Variants in MTMR10 observed in about 807,000 individuals in gnomAD.
MTMR10 encodes myotubularin-related protein 10.
A neutral mutation model predicts 88.1 loss-of-function variants in MTMR10; 56 were observed. The observed-to-expected ratio is 0.64, with a 90% CI of 0.51 to 0.79. The LOEUF (loss-of-function observed/expected upper bound fraction) is 0.79. Ranked by LOEUF, MTMR10 falls within the 30% of genes least tolerant of loss-of-function variation. The pLI, the probability that MTMR10 is intolerant of heterozygous loss-of-function variation, is 0.00. For synonymous variants in MTMR10, 380 were observed against 340.9 expected (o/e 1.11, Z -1.26); for missense variants, 883 against 924.7 (o/e 0.95, Z 0.58).
At chr15:30,982,887 C>G (rs369331988) in intron 2 of MTMR10, among the ~76,000 whole-genome samples, 1 of 152,158 alleles carries the variant, frequency 6.6e-6, no homozygotes. Flanking sequence ...CACTGTGGGC[C>G]AGAAAACTAG....
At chr15:30,964,148 T>C (rs2063444924) in intron 6 of MTMR10, among the ~76,000 whole-genome samples, 1 of 152,220 alleles carries the variant, frequency 6.6e-6, no homozygotes, top group East Asian at 1.9e-4. Context: ...CTGCTAATAT[T>C]ACTGCTATTC....
In MTMR10 at chr15:30,940,173, A is replaced by C; in HGVS notation, c.*1297T>G. 1.0e-6 allele frequency: 1 copy of C among 985,390 alleles called. No individual in the cohort carries two copies. The highest frequency in any genetic ancestry group is 1.2e-6 in the Non-Finnish European group (1 of 829,924). The allele number at this position is 985,390 out of a possible 1,614,324, so 61.0% of individuals were successfully genotyped here. On this transcript the variant is annotated 3_prime_UTR_variant, in exon 16 of 16. Transcript: ENST00000435680. Reference sequence around the variant, plus strand: ...GAAAGTATCCATGTTTTAAGCGGGGAATGAGGAGTGTGGGGGAGGTGGTGC... The same window carrying C: ...GAAAGTATCCATGTTTTAAGCGGGGCATGAGGAGTGTGGGGGAGGTGGTGC...
Position 30,939,858 on chromosome 15 carries a change from C to G in MTMR10, c.*1612G>C, listed in dbSNP as rs139084393. ...TGTTTAATAATTCTATTTGTATAAA[C>G]TGAAACTAGCCCTTATTTTCTAGGC... On this transcript the variant is annotated 3_prime_UTR_variant, in exon 16 of 16. Transcript: ENST00000435680. The G allele has an allele frequency of 3.2e-4, 312 of 985,318 alleles. 1 individual carries two copies. The African/African-American group carries it at 5.2e-3, about 16-fold the overall frequency. The allele number at this position is 985,318 out of a possible 1,614,324, so 61.0% of individuals were successfully genotyped here.
intron 2 of MTMR10, among the ~76,000 whole-genome samples, chr15:30,982,035 C>A (rs2030613032): frequency 6.7e-6 from 1 of 150,102 alleles, no homozygotes; most frequent in Non-Finnish European, 1.5e-5. Context: ...CACGCCACTG[C>A]ACTCCAGCCT....
At chr15:30,943,461 G>A in intron 14 of MTMR10, 1 of 985,378 alleles carries the variant, frequency 1.0e-6, no homozygotes, top group Non-Finnish European at 1.2e-6. Flanking sequence ...GTAGTTACCT[G>A]TTGGTAAGTG....
chr15:30,929,779 T>TCATATATAATATATAAAATATATAA, the MTMR10 span, among the ~76,000 whole-genome samples: 1 of 22,734 alleles, frequency 4.4e-5, no homozygotes, highest in African/African-American at 3.0e-4. Context: ...ATATAATATA[T>TCATATATAATATATAAAATATATAA]TATATCATAT....
intron 9 of MTMR10, among the ~76,000 whole-genome samples, chr15:30,958,380 G>A (rs1320657917): frequency 6.6e-6 from 1 of 152,230 alleles, no homozygotes; most frequent in East Asian, 1.9e-4. Context: ...ATTGCTCACT[G>A]CTATGAGCAC....
chr15:30,930,237 G>A, the MTMR10 span, among the ~76,000 whole-genome samples: 2 of 151,646 alleles, frequency 1.3e-5, no homozygotes, highest in Non-Finnish European at 2.9e-5. Context: ...CCTCTATGAG[G>A]CCATGCTGTC....
intron 2 of MTMR10, among the ~76,000 whole-genome samples, chr15:30,982,835 T>C (rs2030669242): frequency 6.6e-6 from 1 of 152,148 alleles, no homozygotes; most frequent in Non-Finnish European, 1.5e-5. Flanking sequence ...AAAAAAGGAA[T>C]GCTGAAGAGG....
intron 13 of MTMR10, 125 bp downstream of exon 13, chr15:30,948,177 T>C (rs1566948134): frequency 1.2e-5 from 10 of 845,286 alleles, no homozygotes; most frequent in South Asian, 7.7e-5. Context: ...TTAGTTAGCT[T>C]TGGACTAAGG....
intron 2 of MTMR10, among the ~76,000 whole-genome samples, chr15:30,983,954 G>A (rs969410072): frequency 1.1e-4 from 16 of 152,172 alleles, no homozygotes; most frequent in South Asian, 6.2e-4. Context: ...GTATAGTGCC[G>A]ATCTCAGGAA....
At chr15:30,937,228 T>C (rs973111864), downstream of MTMR10, 54 of 1,613,982 alleles carry the variant, frequency 3.3e-5, no homozygotes, top group Non-Finnish European at 4.3e-5. Flanking sequence ...GTGGTTGCAG[T>C]TGGAGCTAAG....
chr15:30,947,263 T>G lies in MTMR10; in HGVS notation c.1415A>C (p.Gln472Pro). Residue 472 changes from glutamine to proline, a missense_variant, in exon 14 of 16, where the codon CAG (glutamine) becomes CCG (proline). Gln to Pro is a moderately conservative substitution (Grantham distance 76, BLOSUM62 -1). This residue lies in a region of MTMR10 where 126 missense variants were observed against 178.2 expected (regional missense o/e 0.71). Transcript: ENST00000435680. The part of the protein sequence containing the change: ...LFLLFLDATW[Q>P]LLEQYPAAFE... ...AGCTGCAGGATATTGTTCTAACAGC[T>G]GCCAGGTGGCATCCAAGAATAGCAA... 6.2e-7 allele frequency: 1 copy of G among 1,613,732 alleles called. No individual in the cohort carries two copies. The highest frequency in any genetic ancestry group is 8.5e-7 in the Non-Finnish European group (1 of 1,179,838).
chr15:30,968,702 G>A (rs796222996), intron 5 of MTMR10, among the ~76,000 whole-genome samples: 1 of 152,248 alleles, frequency 6.6e-6, no homozygotes, highest in African/African-American at 2.4e-5. Context: ...CATAACATGT[G>A]TGAAGTCATT....
the MTMR10 span, among the ~76,000 whole-genome samples, chr15:30,932,221 C>CA: frequency 0.048 from 2,339 of 48,434 alleles, 79 homozygotes; most frequent in African/African-American, 0.072. Flanking sequence ...GACTCCATCT[C>CA]AAAAAAAAAA....
At chr15:30,935,132 C>T (rs1220711530), downstream of MTMR10, among the ~76,000 whole-genome samples, 2 of 151,968 alleles carry the variant, frequency 1.3e-5, no homozygotes, top group Non-Finnish European at 2.9e-5. Context: ...CACAGTGAGA[C>T]CTCATCTCTA....
intron 2 of MTMR10, among the ~76,000 whole-genome samples, chr15:30,978,979 C>T (rs1215599915): frequency 6.6e-6 from 1 of 152,052 alleles, no homozygotes; most frequent in Non-Finnish European, 1.5e-5. Flanking sequence ...ATAAACCTCA[C>T]CAATTCCCAT....
intron 14 of MTMR10, among the ~76,000 whole-genome samples, chr15:30,945,985 C>T (rs564919884): frequency 2.0e-5 from 3 of 152,300 alleles, no homozygotes; most frequent in East Asian, 1.9e-4. Context: ...GACAGGCTGA[C>T]GGTGTTGAGT....
intron 12 of MTMR10, chr15:30,949,533 C>T (rs1450782222): frequency 6.6e-6 from 1 of 152,168 alleles, no homozygotes; most frequent in African/African-American, 2.4e-5. Flanking sequence ...ACACAACAAT[C>T]TGAGTACATA....
Sources: gnomAD v4.1 joint callset for allele counts (sites outside exome capture counted in the v4.1 genomes callset) on GRCh38, gnomAD v4.1.1 for gene constraint, gnomAD v4.1.1 regional missense constraint, MANE v1.5 for transcripts, NCBI Gene and HGNC (gene_info 2026-07-23, HGNC 2026-07-21) for gene names.